Variants in NUFIP2 observed in about 807,000 individuals in gnomAD.
The protein encoded by NUFIP2 is nuclear FMR1 interacting protein 2, also known as FMR1-interacting protein NUFIP2.
NUFIP2 carries 6 observed loss-of-function variants against 56.9 expected under a neutral mutation model. The ratio of observed to expected loss-of-function variants is 0.11; its 90% confidence interval spans 0.06 to 0.21. The LOEUF is 0.21. NUFIP2 is among the 10% of genes least tolerant of loss of function. The pLI is 1.00. For missense variants in NUFIP2, 828 were observed against 826.8 expected (o/e 1.00, Z -0.02); for synonymous variants, 321 against 298.2 (o/e 1.08, Z -0.79).
At chr17:29,272,069 G>A (rs1309089501) in intron 2 of NUFIP2, among the ~76,000 whole-genome samples, 2 of 90,986 alleles carry the variant, frequency 2.2e-5, no homozygotes, top group Admixed American at 1.5e-4. Context: ...TGAGACTGTC[G>A]AAAAGAGAGG....
At position 29,256,175 on chromosome 17, in the gene NUFIP2, G is replaced by T. The variant is rs535789433; in HGVS notation, c.*8364C>A. 1 of 151,894 alleles carries T rather than the reference G, an allele frequency of 6.6e-6. No homozygotes were observed. The highest frequency in any genetic ancestry group is 6.6e-5 in the Admixed American group (1 of 15,252). 9.4% of individuals were successfully genotyped at this position (151,894 alleles called of 1,614,324 possible). On this transcript the variant is annotated 3_prime_UTR_variant, in exon 4 of 4. Transcript: ENST00000225388. ...CAAACATTGAAACTTTTTTTTGAGC[G>T]GGGGGAACATCCTTTAACATAACTG...
intron 2 of NUFIP2, among the ~76,000 whole-genome samples, chr17:29,271,348 C>A (rs1230950574): frequency 6.6e-6 from 1 of 151,880 alleles, no homozygotes; most frequent in Non-Finnish European, 1.5e-5. Flanking sequence ...ACCAGCCTGG[C>A]CAACATGGTG....
At chr17:29,280,390 A>G (rs1223696904) in intron 2 of NUFIP2, among the ~76,000 whole-genome samples, 1 of 152,232 alleles carries the variant, frequency 6.6e-6, no homozygotes, top group African/African-American at 2.4e-5. Flanking sequence ...TGAGATAACT[A>G]CTTTTAAGAA....
At position 29,258,654 on chromosome 17, in the gene NUFIP2, C is replaced by G. The variant is rs528330630; in HGVS notation, c.*5885G>C. 3.3e-5 allele frequency: 5 copies of G among 152,214 alleles called. No individual in the cohort carries two copies. The highest frequency in any genetic ancestry group is 5.9e-5 in the Non-Finnish European group (4 of 68,012). The allele number at this position is 152,214 out of a possible 1,614,324, so 9.4% of individuals were successfully genotyped here. Reference sequence around the variant, plus strand: ...TACTATTAACAGAATTCTTATATTCCTAAGTTATTGTCCTTCATAGGACAA... The same window carrying G: ...TACTATTAACAGAATTCTTATATTCGTAAGTTATTGTCCTTCATAGGACAA... On this transcript the variant is annotated 3_prime_UTR_variant, in exon 4 of 4. Transcript: ENST00000225388.
chr17:29,288,044 A>C (rs2069188652), intron 1 of NUFIP2, among the ~76,000 whole-genome samples: 1 of 152,126 alleles, frequency 6.6e-6, no homozygotes, highest in Non-Finnish European at 1.5e-5. Context: ...CAAGGCTGTT[A>C]TAAAATTTTC....
chr17:29,291,380 T>C (rs1159072065), intron 1 of NUFIP2, among the ~76,000 whole-genome samples: 1 of 152,208 alleles, frequency 6.6e-6, no homozygotes, highest in Non-Finnish European at 1.5e-5. Context: ...TTGTGAGCAA[T>C]GGATTACCAA....
rs2069008460 is a variant in NUFIP2, at chr17:29,262,352, T to G, written c.*2187A>C. ...AAACAAACTGGAGCCTTTTTTCCCT[T>G]TAATCAACCTTATATGTCTTTTTTT... On this transcript the variant is annotated 3_prime_UTR_variant, in exon 4 of 4. Transcript: ENST00000225388. 6.6e-6 allele frequency: 1 copy of G among 152,536 alleles called. No individual in the cohort carries two copies. The highest frequency in any genetic ancestry group is 1.5e-5 in the Non-Finnish European group (1 of 67,998). The allele number at this position is 152,536 out of a possible 1,614,324, so 9.4% of individuals were successfully genotyped here. A position where few individuals can be genotyped will look rare whatever the true frequency, so the allele number is the denominator to read the frequency against.
intron 3 of NUFIP2, among the ~76,000 whole-genome samples, chr17:29,265,105 G>C (rs2069026727): frequency 1.3e-5 from 2 of 152,094 alleles, no homozygotes; most frequent in Admixed American, 1.3e-4. Context: ...AATCAAGACT[G>C]ACTCAACTTC....
intron 3 of NUFIP2, among the ~76,000 whole-genome samples, chr17:29,265,858 T>C (rs2069033138): frequency 6.6e-6 from 1 of 152,028 alleles, no homozygotes; most frequent in Non-Finnish European, 1.5e-5. Flanking sequence ...TAATATCCTT[T>C]CTGGGACTCC....
rs2069004570 is a variant in NUFIP2 at position 29,261,797 on chromosome 17, T to C, written c.*2742A>G. On this transcript the variant is annotated 3_prime_UTR_variant, in exon 4 of 4. Coordinates refer to ENST00000225388, the MANE Select transcript of NUFIP2 (RefSeq NM_020772.3). ...GTCTATTAACCTAATGCCCCCAAAATACTGACAGTTAATATGATGGGGCAC... is the reference window on the plus strand; with the variant it reads ...GTCTATTAACCTAATGCCCCCAAAACACTGACAGTTAATATGATGGGGCAC... 1 of 152,608 alleles carries C rather than the reference T, an allele frequency of 6.6e-6. No homozygotes were observed. The highest frequency in any genetic ancestry group is 1.5e-5 in the Non-Finnish European group (1 of 68,018). The allele number at this position is 152,608 out of a possible 1,614,324, so 9.5% of individuals were successfully genotyped here.
At chr17:29,269,188 C>T (rs10491212) in intron 2 of NUFIP2, among the ~76,000 whole-genome samples, 34,039 of 152,056 alleles carry the variant, frequency 0.22, 4,261 homozygotes, top group South Asian at 0.35. Flanking sequence ...AAGTAGTCTT[C>T]TGTGGTAATA....
At position 29,287,345 on chromosome 17, in the gene NUFIP2, C is replaced by G; in HGVS notation, c.649G>C (p.Gly217Arg). The G allele has an allele frequency of 6.2e-7, 1 of 1,614,062 alleles. No individual in the cohort carries two copies. The highest frequency in any genetic ancestry group is 1.1e-5 in the South Asian group (1 of 91,074). Residue 217 changes from glycine (G) to arginine (R), a missense_variant, in exon 2 of 4, where the codon GGA becomes CGA. Gly to Arg is a moderately radical substitution (Grantham distance 125). Around this residue, in one of 3 missense-constraint regions of NUFIP2, gnomAD observed 415 missense variants for 408.7 expected, o/e 1.02. Transcript: ENST00000225388. The part of the protein sequence containing the change: ...ADNDGSGSES[G>R]YTTPKKRKAR... Reference sequence around the variant, plus strand: ...TTCCTTTTTTTAGGAGTTGTATATCCGCTCTCAGATCCACTACCATCATTA... The same window carrying G: ...TTCCTTTTTTTAGGAGTTGTATATCGGCTCTCAGATCCACTACCATCATTA...
intron 2 of NUFIP2, among the ~76,000 whole-genome samples, chr17:29,284,192 T>C (rs1409651206): frequency 1.3e-5 from 2 of 152,198 alleles, no homozygotes; most frequent in Non-Finnish European, 2.9e-5. Flanking sequence ...GAATGTGCAC[T>C]ATGTATTAAG....
In NUFIP2 at chr17:29,260,646, T is replaced by G. The variant is rs1455936025; in HGVS notation, c.*3893A>C. The G allele has an allele frequency of 1.3e-5, 2 of 152,194 alleles. No individual in the cohort carries two copies. The highest frequency in any genetic ancestry group is 2.9e-5 in the Non-Finnish European group (2 of 68,020). 9.4% of individuals were successfully genotyped at this position (152,194 alleles called of 1,614,324 possible). A position where few individuals can be genotyped will look rare whatever the true frequency, so the allele number is the denominator to read the frequency against. On this transcript the variant is annotated 3_prime_UTR_variant, in exon 4 of 4. Coordinates refer to ENST00000225388, the MANE Select transcript of NUFIP2 (RefSeq NM_020772.3). ...CTCTGATGTGGGGAAGCAACAAGCC[T>G]AACAACCAAGTATGATATTATCACT...
At chr17:29,271,376 A>T (rs1176307051) in intron 2 of NUFIP2, among the ~76,000 whole-genome samples, 3 of 151,938 alleles carry the variant, frequency 2.0e-5, no homozygotes, top group Non-Finnish European at 4.4e-5. Flanking sequence ...GTCTCTACTA[A>T]AAATACAAAA....
Position 29,287,584 on chromosome 17 carries a change from T to C in NUFIP2, c.410A>G (p.Gln137Arg). The C allele has an allele frequency of 6.2e-7, 1 of 1,614,192 alleles. No homozygotes were observed. The highest frequency in any genetic ancestry group is 1.1e-5 in the South Asian group (1 of 91,088). Reference protein sequence around the residue: ...NQQVVDTSLKQTVKANTFGKA... With the variant: ...NQQVVDTSLKRTVKANTFGKA... ...CCCAAAGGTGTTGGCCTTTACAGTC[T>C]GCTTCAGGCTAGTGTCTACAACTTG... Residue 137 changes from glutamine (Q) to arginine (R), a missense_variant, in exon 2 of 4, where the codon CAG becomes CGG. Coordinates refer to ENST00000225388, the MANE Select transcript of NUFIP2 (RefSeq NM_020772.3).
At chr17:29,279,622 C>T (rs1416699674) in intron 2 of NUFIP2, among the ~76,000 whole-genome samples, 2 of 152,170 alleles carry the variant, frequency 1.3e-5, no homozygotes, top group African/African-American at 4.8e-5. Context: ...CATCTTTGAC[C>T]TCTTGGGCTT....
In NUFIP2 at chr17:29,259,810, A is replaced by C. The variant is rs746201487; in HGVS notation, c.*4729T>G. 4.6e-5 allele frequency: 7 copies of C among 152,146 alleles called. No homozygotes were observed. Among genetic ancestry groups the C allele is most frequent in the African/African-American group, 9.7e-5 (4 of 41,424 alleles). The allele number at this position is 152,146 out of a possible 1,614,324, so 9.4% of individuals were successfully genotyped here. A position where few individuals can be genotyped will look rare whatever the true frequency, so the allele number is the denominator to read the frequency against. ...GTTTTTATTATGCAGACAACCGAAAATTCTATTCGCACTATTGCTGGCATC... is the reference window on the plus strand; with the variant it reads ...GTTTTTATTATGCAGACAACCGAAACTTCTATTCGCACTATTGCTGGCATC... On this transcript the variant is annotated 3_prime_UTR_variant, in exon 4 of 4. Transcript: ENST00000225388.
At chr17:29,283,457 G>A (rs2069152471) in intron 2 of NUFIP2, among the ~76,000 whole-genome samples, 1 of 152,124 alleles carries the variant, frequency 6.6e-6, no homozygotes, top group African/African-American at 2.4e-5. Flanking sequence ...TCCCTCCTAA[G>A]CCTCCCAAGT....
Sources: allele counts gnomAD v4.1 joint callset (sites outside exome capture counted in the v4.1 genomes callset), GRCh38; gene constraint gnomAD v4.1.1; regional missense constraint gnomAD v4.1.1; transcripts MANE v1.5; gene names NCBI Gene and HGNC (gene_info 2026-07-23, HGNC 2026-07-21).